The following ACSM2B variants were observed in gnomAD, a reference collection of about 807,000 sequenced individuals.
ACSM2B encodes acyl-coenzyme A synthetase ACSM2B, mitochondrial.
In ACSM2B, 58 loss-of-function variants were observed where a neutral mutation model predicts 78.6. That is an observed-to-expected ratio of 0.74 (90% CI 0.60 to 0.92). ACSM2B has a LOEUF of 0.92. ACSM2B is among the 40% of genes least tolerant of loss of function. The pLI, the probability that ACSM2B is intolerant of heterozygous loss-of-function variation, is 0.00. For synonymous variants in ACSM2B, 257 were observed against 256.8 expected (o/e 1.00, Z -0.01); for missense variants, 688 against 711.2 (o/e 0.97, Z 0.37).
chr16:20,566,617 T>C (rs1457517881), intron 1 of ACSM2B, among the ~76,000 whole-genome samples: 1 of 50,526 alleles, frequency 2.0e-5, no homozygotes, highest in Non-Finnish European at 3.0e-5. Context: ...CTACATATAG[T>C]ATATATACTA....
intron 2 of ACSM2B, among the ~76,000 whole-genome samples, chr16:20,560,848 G>T (rs28833281): frequency 0.024 from 3,686 of 152,146 alleles, 162 homozygotes; most frequent in African/African-American, 0.085. Flanking sequence ...TGAAATGCAG[G>T]CTGACCAGAT....
At chr16:20,545,311 A>G (rs1212838381) in intron 9 of ACSM2B, 53 bp from the exon 10 acceptor site, 1 of 1,581,434 alleles carries the variant, frequency 6.3e-7, no homozygotes, top group African/African-American at 1.3e-5. Context: ...AGATGGCTTC[A>G]ATGGCAGCAG....
intron 1 of ACSM2B, among the ~76,000 whole-genome samples, chr16:20,568,785 T>C (rs1440086528): frequency 1.3e-5 from 2 of 151,940 alleles, no homozygotes; most frequent in East Asian, 1.9e-4. Context: ...TGGTATAGCA[T>C]TGTGGTTTTG....
chr16:20,543,472 G>C (rs563742569), intron 10 of ACSM2B, among the ~76,000 whole-genome samples: 30 of 152,330 alleles, frequency 2.0e-4, no homozygotes, highest in East Asian at 1.4e-3. Context: ...CACCCAGGGT[G>C]TCTCAGCTAC....
intron 8 of ACSM2B, 81 bp from the exon 9 acceptor site, chr16:20,546,555 G>C: frequency 1.9e-6 from 3 of 1,557,086 alleles, no homozygotes; most frequent in South Asian, 1.3e-5. Context: ...CTGCAGAGCG[G>C]GTCCTGACAC....
chr16:20,553,151 AT>A lies in ACSM2B; in HGVS notation c.740+625del, dbSNP rs1480007656. Among the ~76,000 whole-genome samples the A allele has an allele frequency of 2.0e-5, 3 of 152,114 alleles. No homozygotes were observed. The East Asian group carries it at 5.8e-4, about 29-fold the overall frequency. On this transcript the variant is annotated intron_variant, in intron 5 of 13. Transcript: ENST00000329697. Reference sequence around the variant, plus strand: ...CATAGATGGAACATTTACATTTTCCATTTTTTGCATTAATGTATCTTCCCAT... The same window carrying A: ...CATAGATGGAACATTTACATTTTCCATTTTTGCATTAATGTATCTTCCCAT...
At chr16:20,566,750 CTATATATAGTA>C (rs2015898593) in intron 1 of ACSM2B, among the ~76,000 whole-genome samples, 6 of 42,426 alleles carry the variant, frequency 1.4e-4, no homozygotes, top group African/African-American at 1.4e-3. Context: ...ACTATATATA[CTATATATAGTA>C]TATATAGATA....
In ACSM2B at chr16:20,542,738, A is replaced by G. The variant is rs975787930; in HGVS notation, c.1509+176T>C. ...TAACAATCCCTCATCTTACAGATGAAGAAACTGAGAAACAGAGAGGCCAAG... is the reference window on the plus strand; with the variant it reads ...TAACAATCCCTCATCTTACAGATGAGGAAACTGAGAAACAGAGAGGCCAAG... On this transcript the variant is annotated intron_variant, in intron 12 of 13. Transcript: ENST00000329697. The G allele has an allele frequency of 2.5e-3, 1,896 of 744,448 alleles. 26 individuals are homozygous for G. In the African/African-American group the frequency reaches 0.027, roughly 11 times the overall value. The allele number at this position is 744,448 out of a possible 1,614,324, so 46.1% of individuals were successfully genotyped here. A position where few individuals can be genotyped will look rare whatever the true frequency, so the allele number is the denominator to read the frequency against.
At chr16:20,559,538 T>C in intron 2 of ACSM2B, 91 bp from the exon 3 acceptor site, 2 of 1,480,656 alleles carry the variant, frequency 1.4e-6, no homozygotes, top group Non-Finnish European at 1.8e-6. Context: ...AGCTGGTGCT[T>C]AGTAAGGTTT....
intron 1 of ACSM2B, among the ~76,000 whole-genome samples, chr16:20,573,369 C>T (rs1292786122): frequency 2.0e-5 from 3 of 150,148 alleles, no homozygotes; most frequent in East Asian, 2.0e-4. Flanking sequence ...TCAGGGGAGG[C>T]CATCACTATT....
intron 2 of ACSM2B, among the ~76,000 whole-genome samples, chr16:20,562,704 A>T (rs538167037): frequency 6.6e-6 from 1 of 152,246 alleles, no homozygotes; most frequent in South Asian, 2.1e-4. Flanking sequence ...GCTAAGCTAT[A>T]AGCATAGTTA....
intron 6 of ACSM2B, among the ~76,000 whole-genome samples, 198 bp from the exon 7 acceptor site, chr16:20,548,671 G>A (rs577650868): frequency 3.9e-5 from 6 of 152,208 alleles, no homozygotes; most frequent in East Asian, 1.9e-4. Context: ...AGGGAAATGA[G>A]TACATATTAT....
chr16:20,564,351 C>T (rs1198309500), intron 2 of ACSM2B, among the ~76,000 whole-genome samples: 10 of 151,778 alleles, frequency 6.6e-5, no homozygotes, highest in South Asian at 2.1e-4. Context: ...GCCTCTTCTA[C>T]GACCCCAGAC....
chr16:20,557,919 A>T (rs1192338687), intron 3 of ACSM2B, among the ~76,000 whole-genome samples: 3 of 152,230 alleles, frequency 2.0e-5, no homozygotes, highest in African/African-American at 4.8e-5. Context: ...CCCTGGACAT[A>T]GTCCAAGCTA....
intron 2 of ACSM2B, among the ~76,000 whole-genome samples, chr16:20,561,139 T>G (rs768992700): frequency 6.6e-6 from 1 of 152,118 alleles, no homozygotes; most frequent in Admixed American, 6.5e-5. Context: ...GTTACATGCA[T>G]AAACCTTGAA....
intron 3 of ACSM2B, among the ~76,000 whole-genome samples, chr16:20,555,718 G>A (rs997991199): frequency 3.9e-5 from 6 of 152,140 alleles, no homozygotes; most frequent in African/African-American, 1.2e-4. Context: ...AATTGCTAAT[G>A]TCACACTGTT....
At chr16:20,567,417 A>G (rs1226824596) in intron 1 of ACSM2B, among the ~76,000 whole-genome samples, 1 of 119,240 alleles carries the variant, frequency 8.4e-6, no homozygotes, top group Non-Finnish European at 1.6e-5. Context: ...TATAATATAT[A>G]ATATAGTATA....
At chr16:20,553,984 C>T in intron 4 of ACSM2B, 64 bp from the exon 5 acceptor site, 1 of 1,605,648 alleles carries the variant, frequency 6.2e-7, no homozygotes, top group East Asian at 2.2e-5. Context: ...CAAAGTGACC[C>T]ATCTTTTCCC....
chr16:20,568,245 T>A (rs1310696555), intron 1 of ACSM2B, among the ~76,000 whole-genome samples: 1 of 144,694 alleles, frequency 6.9e-6, no homozygotes, highest in African/African-American at 2.5e-5. Flanking sequence ...TTATATATAC[T>A]ATATATAGCC....
Sources: allele counts gnomAD v4.1 joint callset (sites outside exome capture counted in the v4.1 genomes callset), GRCh38; gene constraint gnomAD v4.1.1; transcripts MANE v1.5; gene names NCBI Gene and HGNC (gene_info 2026-07-23, HGNC 2026-07-21).